The following PTPRB variants were observed in gnomAD, a reference collection of about 807,000 sequenced individuals.
The protein encoded by PTPRB is protein tyrosine phosphatase receptor type B, also known as receptor-type tyrosine-protein phosphatase beta.
A neutral mutation model predicts 238.1 loss-of-function variants in PTPRB; 97 were observed. That is an observed-to-expected ratio of 0.41 (90% confidence interval 0.35 to 0.48). The LOEUF is 0.48. PTPRB is among the 20% of genes least tolerant of loss of function. The pLI is 0.30. For missense variants in PTPRB, 2,292 were observed against 2,681.9 expected (o/e 0.85, Z 3.21); for synonymous variants, 970 against 995.4 (o/e 0.97, Z 0.48).
chr12:70,619,847 G>A (rs879473631), intron 3 of PTPRB, among the ~76,000 whole-genome samples: 31 of 152,266 alleles, frequency 2.0e-4, no homozygotes, highest in South Asian at 1.0e-3. Flanking sequence ...ATCCTCTGTC[G>A]AGACAGAGTA....
At chr12:70,593,349 C>T (rs776879157) in intron 6 of PTPRB, among the ~76,000 whole-genome samples, 3 of 151,788 alleles carry the variant, frequency 2.0e-5, no homozygotes, top group African/African-American at 4.8e-5. Flanking sequence ...CCCATCTCTA[C>T]GAAAAATACA....
At position 70,560,010 on chromosome 12, in the gene PTPRB, T is replaced by C. The variant is rs926833768; in HGVS notation, c.4433-386A>G. The stretch of plus-strand genomic sequence containing the variant: ...CACCACTACACCTGGCTAATTGTTG[T>C]ATTTTTAGTAGAGACAGGGTTTCCT... On this transcript the variant is annotated intron_variant, in intron 17 of 33. Transcript: ENST00000334414. This position sits in a 1 kb window ranked among gnomAD's most constrained non-coding sequence, Gnocchi z 4.2. 2.6e-5 allele frequency among the ~76,000 whole-genome samples: 4 copies of C among 151,982 alleles called. No individual in the cohort carries two copies. The highest frequency in any genetic ancestry group is 5.9e-5 in the Non-Finnish European group (4 of 68,000).
intron 33 of PTPRB, among the ~76,000 whole-genome samples, chr12:70,523,380 CTA>C (rs1688722269): frequency 6.6e-6 from 1 of 151,968 alleles, no homozygotes; most frequent in Non-Finnish European, 1.5e-5. Context: ...AAACTTTTAG[CTA>C]CAAAAAGCTT....
intron 16 of PTPRB, 149 bp downstream of exon 16, chr12:70,562,695 C>A: frequency 3.1e-6 from 3 of 972,632 alleles, no homozygotes; most frequent in Non-Finnish European, 4.5e-6. Flanking sequence ...ATCAAAGGTG[C>A]GATTTAGGGT....
In PTPRB at chr12:70,539,029, A is replaced by G. The variant is rs1331039851; in HGVS notation, c.5779-15T>C. On this transcript the variant is annotated splice_polypyrimidine_tract_variant and intron_variant, in intron 26 of 33. Coordinates refer to ENST00000334414, the MANE Select transcript of PTPRB (RefSeq NM_001109754.4). ...TCTTTTAACTCCTGTTAGGTCAAAT[A>G]TGAGTTTGTAAGTGGAGAATATGAA... The G allele has an allele frequency of 6.3e-7, 1 of 1,590,966 alleles. No homozygotes were observed. The highest frequency in any genetic ancestry group is 1.1e-5 in the South Asian group (1 of 90,110).
intron 18 of PTPRB, among the ~76,000 whole-genome samples, chr12:70,557,141 G>A (rs890989277): frequency 2.0e-5 from 3 of 152,172 alleles, no homozygotes; most frequent in Non-Finnish European, 2.9e-5. Flanking sequence ...AAGGTATCAC[G>A]AAAGAGGCAT....
rs12317661 is a variant in PTPRB at position 70,541,172 on chromosome 12, G to T, written c.5495-215C>A. 5.2e-3 allele frequency: 2,645 copies of T among 507,902 alleles called. 57 individuals are homozygous for T. Among genetic ancestry groups the T allele is most frequent in the African/African-American group, 0.046 (2,354 of 51,364 alleles). 31.5% of individuals were successfully genotyped at this position (507,902 alleles called of 1,614,324 possible). ...TCCCACCCTGTAGCAGTGAGGCCAG[G>T]TGTCACTGCATACTTTTGAAGTTAA... On this transcript the variant is annotated intron_variant, in intron 22 of 33. Transcript: ENST00000334414.
chr12:70,593,485 C>CCCAGCCAA (rs1248886535), intron 6 of PTPRB, among the ~76,000 whole-genome samples: 2 of 143,816 alleles, frequency 1.4e-5, no homozygotes, highest in African/African-American at 5.2e-5. Flanking sequence ...TGCACTCCAG[C>CCCAGCCAA]CCAGCCAACA....
rs1378058041 is a variant in PTPRB at position 70,592,671 on chromosome 12, A to G, written c.1517-126T>C. On this transcript the variant is annotated intron_variant, in intron 6 of 33. Coordinates refer to ENST00000334414, the MANE Select transcript of PTPRB (RefSeq NM_001109754.4). ...TTGCTCTGGAGAAAACAAGCACTTC[A>G]AGAGGCAAATATTATCCTCTTCAGA... 4.9e-6 allele frequency: 5 copies of G among 1,010,580 alleles called. No homozygotes were observed. The East Asian group carries it at 1.3e-4, about 25-fold the overall frequency. 62.6% of individuals were successfully genotyped at this position (1,010,580 alleles called of 1,614,324 possible).
intron 2 of PTPRB, among the ~76,000 whole-genome samples, chr12:70,626,931 A>AT (rs1885231459): frequency 6.6e-6 from 1 of 152,170 alleles, no homozygotes; most frequent in African/African-American, 2.4e-5. Context: ...ACATATCTAA[A>AT]TTACTTTTAA....
At chr12:70,619,534 G>A (rs961455008) in intron 3 of PTPRB, among the ~76,000 whole-genome samples, 2 of 152,100 alleles carry the variant, frequency 1.3e-5, no homozygotes, top group African/African-American at 4.8e-5. Flanking sequence ...CAGAGCCTCG[G>A]CCTCAAAAGG....
chr12:70,602,589 G>A (rs1207280129), intron 4 of PTPRB, among the ~76,000 whole-genome samples: 2 of 152,160 alleles, frequency 1.3e-5, no homozygotes, highest in Non-Finnish European at 2.9e-5. Flanking sequence ...TTATTACTCA[G>A]AGATGTAGAC....
chr12:70,555,160 C>A lies in PTPRB; in HGVS notation c.5143G>T (p.Gly1715Cys). ...YFTVVVREAD[G>C]SDELKPEQQH... is the part of the protein sequence containing the mutation. ...GTGGAGTTAACTCATGATAACTTAC[C>A]ATCAGCCTCTCTCACCACCACTGTG... The change falls in exon 20 of 34, where the codon GGC becomes TGC. Residue 1715 changes from glycine (G) to cysteine (C), a missense_variant and splice_region_variant. By Grantham distance (159) the Gly-to-Cys change is radical. Transcript: ENST00000334414. The A allele has an allele frequency of 6.2e-7, 1 of 1,613,004 alleles. No homozygotes were observed. The highest frequency in any genetic ancestry group is 8.5e-7 in the Non-Finnish European group (1 of 1,179,392).
intron 25 of PTPRB, 39 bp from the exon 26 acceptor site, chr12:70,539,745 C>T (rs1874747654): frequency 1.9e-6 from 3 of 1,594,744 alleles, no homozygotes; most frequent in African/African-American, 1.3e-5. Flanking sequence ...AGAGTTACTG[C>T]AGAAAAGGGA....
chr12:70,585,876 T>G lies in PTPRB; in HGVS notation c.2311+1131A>C, dbSNP rs1881857851. 3.4e-5 allele frequency among the ~76,000 whole-genome samples: 5 copies of G among 148,848 alleles called. No homozygotes were observed. In the South Asian group the frequency reaches 1.1e-3, roughly 34 times the overall value. On this transcript the variant is annotated intron_variant, in intron 9 of 33. Transcript: ENST00000334414. ...GTGTTCTCATTGTTCAATTCCCACC[T>G]ATGAGTGAGAACATGTGGTGTTTGA...
intron 4 of PTPRB, among the ~76,000 whole-genome samples, chr12:70,606,977 T>A (rs902316441): frequency 1.3e-5 from 2 of 152,252 alleles, no homozygotes; most frequent in African/African-American, 4.8e-5. Flanking sequence ...AAGTAAAGTG[T>A]GTCTCTTTAA....
intron 4 of PTPRB, 97 bp from the exon 5 acceptor site, chr12:70,596,424 T>C: frequency 8.4e-7 from 1 of 1,189,444 alleles, no homozygotes; most frequent in Non-Finnish European, 1.1e-6. Context: ...AACTGCTTAT[T>C]TTACTGCAGT....
At chr12:70,557,372 A>T (rs554918700) in intron 18 of PTPRB, among the ~76,000 whole-genome samples, 23 of 152,220 alleles carry the variant, frequency 1.5e-4, no homozygotes, top group African/African-American at 1.9e-4. Flanking sequence ...ATCCTAATAA[A>T]TACAAGCCTC....
chr12:70,587,163 G>C lies in PTPRB; in HGVS notation c.2155C>G (p.Leu719Val), dbSNP rs868768220. Residue 719 changes from leucine (L) to valine (V), a missense_variant, in exon 9 of 34, where the codon CTA becomes GTA. By Grantham distance (32) the Leu-to-Val change is conservative (BLOSUM62 1). Coordinates refer to ENST00000334414, the MANE Select transcript of PTPRB (RefSeq NM_001109754.4). ...ATCAGTAAGAGGTCTCTGTCAGCTA[G>C]GGAAATGATGTATTTCTCCCATTCT... ...VAEWEKYIIS[L>V]ADRDLLLIHK... is the part of the protein sequence containing the mutation. The C allele has an allele frequency of 1.2e-6, 2 of 1,613,752 alleles. No homozygotes were observed. Among genetic ancestry groups the C allele is most frequent in the Non-Finnish European group, 1.7e-6 (2 of 1,179,726 alleles).
Sources: allele counts gnomAD v4.1 joint callset (sites outside exome capture counted in the v4.1 genomes callset), GRCh38; gene constraint gnomAD v4.1.1; non-coding constraint Gnocchi (gnomAD v3.1); transcripts MANE v1.5; gene names NCBI Gene and HGNC (gene_info 2026-07-23, HGNC 2026-07-21).